ATF7: variants seen among roughly 807,000 people sequenced by gnomAD.
ATF7 encodes activating transcription factor 7.
Under a neutral mutation model 50.4 loss-of-function variants are expected in ATF7, and 10 were observed. That is an observed-to-expected ratio of 0.20 (90% CI 0.12 to 0.34). The LOEUF is 0.34. Ranked by LOEUF, ATF7 falls within the 10% of genes least tolerant of loss-of-function variation. ATF7 has a pLI of 1.00. For missense variants in ATF7, 465 were observed against 613.9 expected (o/e 0.76, Z 2.56); for synonymous variants, 201 against 226.4 (o/e 0.89, Z 1.01).
intron 2 of ATF7, among the ~76,000 whole-genome samples, chr12:53,580,702 T>C (rs1203146265): frequency 6.9e-6 from 1 of 145,800 alleles, no homozygotes; most frequent in East Asian, 2.0e-4. Flanking sequence ...GATAAAGATA[T>C]ACCCTAATCC....
At chr12:53,603,441 G>GT (rs1555152332) in intron 1 of ATF7, among the ~76,000 whole-genome samples, 1 of 152,066 alleles carries the variant, frequency 6.6e-6, no homozygotes, top group Non-Finnish European at 1.5e-5. Context: ...TCTAACAGAA[G>GT]TAAGTATTTT....
chr12:53,617,931 G>A (rs1193603698), intron 1 of ATF7, among the ~76,000 whole-genome samples: 1 of 149,824 alleles, frequency 6.7e-6, no homozygotes, highest in South Asian at 2.1e-4. Flanking sequence ...ACAAACAAGA[G>A]AAAGGAAGGA....
chr12:53,577,438 CGGG>C (rs1942136817), intron 2 of ATF7, among the ~76,000 whole-genome samples: 1 of 151,502 alleles, frequency 6.6e-6, no homozygotes, highest in Non-Finnish European at 1.5e-5. Context: ...CACACACGGC[CGGG>C]CGCGGTGGCT....
intron 2 of ATF7, among the ~76,000 whole-genome samples, chr12:53,560,114 G>C (rs972452881): frequency 6.6e-6 from 1 of 151,868 alleles, no homozygotes; most frequent in East Asian, 1.9e-4. Context: ...AGTAGAGACA[G>C]GGTTTCACCA....
chr12:53,552,697 C>A, intron 2 of ATF7, 60 bp from the exon 3 acceptor site: 1 of 1,304,820 alleles, frequency 7.7e-7, no homozygotes, highest in South Asian at 1.2e-5. Flanking sequence ...ATTCGGTGCC[C>A]TTTTAAAATG....
intron 11 of ATF7, 102 bp from the exon 12 acceptor site, chr12:53,517,456 G>A: frequency 4.2e-6 from 5 of 1,179,794 alleles, no homozygotes; most frequent in Non-Finnish European, 5.9e-6. Flanking sequence ...GAGCCCAAAA[G>A]GGAAATGAAA....
At chr12:53,604,674 T>C (rs1181373317) in intron 1 of ATF7, among the ~76,000 whole-genome samples, 1 of 152,170 alleles carries the variant, frequency 6.6e-6, no homozygotes, top group Non-Finnish European at 1.5e-5. Context: ...TACAAACACA[T>C]CCAGGGGCCT....
rs559025688 is a variant in ATF7, at chr12:53,551,200, T to C, written c.145+1341A>G. On this transcript the variant is annotated intron_variant, in intron 3 of 11. Transcript: ENST00000420353. ...TTAGAGACAGGGTCTTGCTTTGTAG[T>C]CTAGGCTAGAGTGCAGTAGCACGGT... Among the ~76,000 whole-genome samples, 123 of 152,306 alleles carry C rather than the reference T, an allele frequency of 8.1e-4. 1 individual carries two copies. The highest frequency in any genetic ancestry group is 1.2e-3 in the Admixed American group (18 of 15,288).
At chr12:53,564,711 A>G (rs371944507) in intron 2 of ATF7, among the ~76,000 whole-genome samples, 3 of 152,318 alleles carry the variant, frequency 2.0e-5, no homozygotes, top group South Asian at 4.1e-4. Flanking sequence ...CATAGTCAAC[A>G]CTGAGTTGTT....
chr12:53,546,640 G>C (rs897723744), intron 3 of ATF7, among the ~76,000 whole-genome samples: 1 of 151,828 alleles, frequency 6.6e-6, no homozygotes. Context: ...AGTAGAGACA[G>C]GGTTTCACAA....
In ATF7 at chr12:53,512,750, A is replaced by G. The variant is rs1944166949; in HGVS notation, c.*4387T>C. 1 of 152,246 alleles carries G rather than the reference A, an allele frequency of 6.6e-6. No homozygotes were observed. Among genetic ancestry groups the G allele is most frequent in the South Asian group, 2.1e-4 (1 of 4,832 alleles). The allele number at this position is 152,246 out of a possible 1,614,324, so 9.4% of individuals were successfully genotyped here. ...CAGTGATATGATGGGGAAGACTTTA[A>G]AGGGAATGGAGGAAGAGACTGAAAG... On this transcript the variant is annotated 3_prime_UTR_variant, in exon 12 of 12. Coordinates refer to ENST00000420353, the MANE Select transcript of ATF7 (RefSeq NM_006856.3).
In ATF7 at chr12:53,515,212, A is replaced by C. The variant is rs1565910880; in HGVS notation, c.*1925T>G. On this transcript the variant is annotated 3_prime_UTR_variant, in exon 12 of 12. Coordinates refer to ENST00000420353, the MANE Select transcript of ATF7 (RefSeq NM_006856.3). ...ACCAGCTCTGAAAAGCAGGAGGGGA[A>C]ATTTAAAACAAATGCAGCAGAACCT... 1 of 152,220 alleles carries C rather than the reference A, an allele frequency of 6.6e-6. No homozygotes were observed. Among genetic ancestry groups the C allele is most frequent in the Admixed American group, 6.5e-5 (1 of 15,280 alleles). 9.4% of individuals were successfully genotyped at this position (152,220 alleles called of 1,614,324 possible). A position where few individuals can be genotyped will look rare whatever the true frequency, so the allele number is the denominator to read the frequency against.
chr12:53,563,499 T>C (rs1592879877), intron 2 of ATF7, among the ~76,000 whole-genome samples: 1 of 151,678 alleles, frequency 6.6e-6, no homozygotes, highest in African/African-American at 2.4e-5. Context: ...TGTGTGCCTG[T>C]AGTCCCAACT....
At chr12:53,624,992 C>T (rs1325638703) in intron 1 of ATF7, among the ~76,000 whole-genome samples, 1 of 152,168 alleles carries the variant, frequency 6.6e-6, no homozygotes, top group Non-Finnish European at 1.5e-5. Flanking sequence ...ACACAGGACT[C>T]ATGTGAGCTT....
chr12:53,585,992 T>C (rs1351639247), intron 2 of ATF7, among the ~76,000 whole-genome samples: 1 of 152,226 alleles, frequency 6.6e-6, no homozygotes. Context: ...GCTATGTATG[T>C]GAATACAATC....
rs961346834 is a variant in ATF7, at chr12:53,626,376, C to G, written c.-119G>C. 1.3e-5 allele frequency: 2 copies of G among 152,822 alleles called. No homozygotes were observed. Among genetic ancestry groups the G allele is most frequent in the African/African-American group, 4.8e-5 (2 of 41,476 alleles). The allele number at this position is 152,822 out of a possible 1,614,324, so 9.5% of individuals were successfully genotyped here. ...CCCTTGGCGGAACGGATACTTTCCT[C>G]CCGTCCGGCCAGGCGCGCTCAACTC... On this transcript the variant is annotated 5_prime_UTR_variant, in exon 1 of 12. Transcript: ENST00000420353.
intron 1 of ATF7, among the ~76,000 whole-genome samples, chr12:53,608,218 C>CA (rs71444811): frequency 0.036 from 3,185 of 88,758 alleles, 149 homozygotes; most frequent in African/African-American, 0.11. Flanking sequence ...GACTCTGTCT[C>CA]AAAAAAAAAA....
intron 2 of ATF7, among the ~76,000 whole-genome samples, chr12:53,562,094 A>G (rs1413569780): frequency 2.0e-5 from 3 of 152,212 alleles, no homozygotes; most frequent in Non-Finnish European, 2.9e-5. Context: ...TGGCAGCTTA[A>G]CAAATAAGTC....
intron 9 of ATF7, among the ~76,000 whole-genome samples, chr12:53,526,744 G>C (rs1485616133): frequency 6.6e-6 from 1 of 151,966 alleles, no homozygotes; most frequent in Non-Finnish European, 1.5e-5. Context: ...CCAGCTACTT[G>C]GGAGGCTGAG....
Sources: allele counts gnomAD v4.1 joint callset (sites outside exome capture counted in the v4.1 genomes callset), GRCh38; gene constraint gnomAD v4.1.1; transcripts MANE v1.5; gene names NCBI Gene and HGNC (gene_info 2026-07-23, HGNC 2026-07-21).